The following PEX14 variants were observed in gnomAD, a reference collection of about 807,000 sequenced individuals.
PEX14 encodes the protein peroxisomal membrane protein PEX14.
Under a neutral mutation model 49.5 loss-of-function variants are expected in PEX14, and 15 were observed. The observed-to-expected ratio is 0.30, with a 90% CI of 0.20 to 0.47. The LOEUF is 0.47. PEX14 is among the 20% of genes least tolerant of loss of function. PEX14 has a pLI of 1.00. For missense variants in PEX14, 398 were observed against 494.8 expected, an observed-to-expected ratio of 0.80 and a Z score of 1.86; for synonymous variants, 210 against 212.7, an observed-to-expected ratio of 0.99 and a Z score of 0.11.
At position 10,536,030 on chromosome 1, in the gene PEX14, A is replaced by C. The variant is rs1638792397; in HGVS notation, c.85-183A>C. The C allele has an allele frequency of 4.9e-6, 3 of 613,296 alleles. No individual in the cohort carries two copies. In the South Asian group the frequency reaches 5.3e-5, roughly 11 times the overall value. 38.0% of individuals were successfully genotyped at this position (613,296 alleles called of 1,614,324 possible). A position where few individuals can be genotyped will look rare whatever the true frequency, so the allele number is the denominator to read the frequency against. On this transcript the variant is annotated intron_variant, in intron 2 of 8. Transcript: ENST00000356607. ...AGACTCAGATACAGGAAGCCAGTGA[A>C]GACAGGGAAACAACATCGCCTTTCA... is the stretch of plus-strand genomic sequence containing the variant.
intron 3 of PEX14, among the ~76,000 whole-genome samples, chr1:10,563,320 C>T (rs1214997483): frequency 3.3e-5 from 5 of 151,688 alleles, no homozygotes; most frequent in South Asian, 2.1e-4. Context: ...TTATTTCAGG[C>T]CGGGCGCGGT....
Position 10,629,481 on chromosome 1 carries a change from G to C in PEX14, c.678-50G>C, listed in dbSNP as rs2124649647. On this transcript the variant is annotated intron_variant, in intron 8 of 8. Transcript: ENST00000356607. This position sits in a 1 kb window ranked among gnomAD's most constrained non-coding sequence, Gnocchi z 8.5. ...CAGGGAAGGCGTGGCCCTTCGAAGG[G>C]GGGCGTCCTGAATGCCGCCACCAAC... 7.5e-7 allele frequency: 1 copy of C among 1,341,082 alleles called. No homozygotes were observed. Among genetic ancestry groups the C allele is most frequent in the East Asian group, 2.3e-5 (1 of 43,588 alleles). The allele number at this position is 1,341,082 out of a possible 1,614,324, so 83.1% of individuals were successfully genotyped here.
intron 2 of PEX14, among the ~76,000 whole-genome samples, chr1:10,499,273 T>C (rs1053541692): frequency 6.6e-6 from 1 of 152,202 alleles, no homozygotes; most frequent in African/African-American, 2.4e-5. Flanking sequence ...ACAGTGCTTA[T>C]GGATTTTGGC....
intron 3 of PEX14, among the ~76,000 whole-genome samples, chr1:10,568,732 T>TTTTTG (rs1023406104): frequency 3.9e-5 from 6 of 151,914 alleles, no homozygotes; most frequent in Admixed American, 2.0e-4. Context: ...GGTAGAGTGT[T>TTTTTG]TTTTGTTTTG....
chr1:10,530,605 C>T (rs1479785112), intron 2 of PEX14, among the ~76,000 whole-genome samples: 3 of 152,190 alleles, frequency 2.0e-5, no homozygotes, highest in Non-Finnish European at 4.4e-5. Context: ...CCTCCTTGTC[C>T]TTGCAGAGGC....
intron 2 of PEX14, among the ~76,000 whole-genome samples, chr1:10,517,572 G>C (rs1456204662): frequency 6.6e-6 from 1 of 151,962 alleles, no homozygotes; most frequent in Non-Finnish European, 1.5e-5. Context: ...GGGCAAGAAT[G>C]TGGCTGAACC....
chr1:10,522,101 C>T (rs555981284), intron 2 of PEX14, among the ~76,000 whole-genome samples: 3 of 152,222 alleles, frequency 2.0e-5, no homozygotes, highest in Non-Finnish European at 4.4e-5. Context: ...TGCATTCTGA[C>T]ATTACAGGTG....
intron 7 of PEX14, among the ~76,000 whole-genome samples, chr1:10,625,891 G>T (rs1016893577): frequency 6.6e-6 from 1 of 152,192 alleles, no homozygotes; most frequent in Non-Finnish European, 1.5e-5. Flanking sequence ...CTTTGCTGCC[G>T]CTGTCCCTGG....
chr1:10,490,967 G>A (rs899271710), intron 1 of PEX14, among the ~76,000 whole-genome samples: 3 of 150,618 alleles, frequency 2.0e-5, no homozygotes, highest in Admixed American at 2.0e-4. Context: ...GCCTCCCAAA[G>A]TGCTGGTGTG....
intron 1 of PEX14, 37 bp downstream of exon 1, chr1:10,475,039 AC>A: frequency 6.3e-7 from 1 of 1,590,750 alleles, no homozygotes; most frequent in Non-Finnish European, 8.6e-7. Flanking sequence ...TGCGGCGGAG[AC>A]CCCGGCTGGA....
At chr1:10,476,165 AG>A (rs953090041) in intron 1 of PEX14, among the ~76,000 whole-genome samples, 2 of 152,188 alleles carry the variant, frequency 1.3e-5, no homozygotes, top group Admixed American at 1.3e-4. Flanking sequence ...ACCACCGCTT[AG>A]TGTTTCTTAC....
At chr1:10,585,852 C>T (rs573808736) in intron 3 of PEX14, among the ~76,000 whole-genome samples, 1 of 152,170 alleles carries the variant, frequency 6.6e-6, no homozygotes, top group Non-Finnish European at 1.5e-5. Context: ...GTGGAGATCA[C>T]GCCACTGCAC....
chr1:10,533,175 A>G (rs1443444202), intron 2 of PEX14, among the ~76,000 whole-genome samples: 2 of 152,042 alleles, frequency 1.3e-5, no homozygotes, highest in Admixed American at 6.6e-5. Flanking sequence ...TGTCTTTCTT[A>G]TTCAGCACAT....
chr1:10,621,516 T>G (rs908208712), intron 5 of PEX14, among the ~76,000 whole-genome samples: 1 of 152,076 alleles, frequency 6.6e-6, no homozygotes, highest in Non-Finnish European at 1.5e-5. Flanking sequence ...TCAGCTAATC[T>G]TTATATTTTT....
intron 2 of PEX14, among the ~76,000 whole-genome samples, chr1:10,500,515 A>G (rs1299943348): frequency 6.6e-6 from 1 of 151,728 alleles, no homozygotes; most frequent in African/African-American, 2.4e-5. Flanking sequence ...TGGTTAGAAT[A>G]CTTTGGTGTA....
chr1:10,540,046 C>G (rs1638955826), intron 3 of PEX14, among the ~76,000 whole-genome samples: 1 of 152,132 alleles, frequency 6.6e-6, no homozygotes, highest in Non-Finnish European at 1.5e-5. Flanking sequence ...CTGCCTCATC[C>G]AAGAAATGGT....
Position 10,554,970 on chromosome 1 carries a change from A to C in PEX14, c.169+18673A>C, listed in dbSNP as rs182929911. ...TAAAAATAAAGCCTATCTGAAAGCA[A>C]GTTGCTTCTCTAGAGGCATCTTCCT... On this transcript the variant is annotated intron_variant, in intron 3 of 8. Coordinates refer to ENST00000356607, the MANE Select transcript of PEX14 (RefSeq NM_004565.3). 5.9e-5 allele frequency among the ~76,000 whole-genome samples: 9 copies of C among 152,250 alleles called. No individual in the cohort carries two copies. The East Asian group carries it at 1.7e-3, about 29-fold the overall frequency.
intron 3 of PEX14, among the ~76,000 whole-genome samples, chr1:10,590,214 C>T (rs374072121): frequency 3.9e-5 from 6 of 152,042 alleles, no homozygotes; most frequent in South Asian, 2.1e-4. Flanking sequence ...CAAACAGAAC[C>T]GTGAGCCTGC....
chr1:10,527,221 A>AAAG, intron 2 of PEX14, among the ~76,000 whole-genome samples: 1 of 150,996 alleles, frequency 6.6e-6, no homozygotes, highest in Non-Finnish European at 1.5e-5. Flanking sequence ...CAAAAAAAAA[A>AAAG]AAAAAGAAAA....
Sources: gnomAD v4.1 joint callset for allele counts (sites outside exome capture counted in the v4.1 genomes callset) on GRCh38, gnomAD v4.1.1 for gene constraint, Gnocchi (gnomAD v3.1) non-coding constraint, MANE v1.5 for transcripts, NCBI Gene and HGNC (gene_info 2026-07-23, HGNC 2026-07-21) for gene names.